The following SPAG17 variants were observed in gnomAD, a reference collection of about 807,000 sequenced individuals.
SPAG17 encodes the protein sperm-associated antigen 17.
Under a neutral mutation model 273.6 loss-of-function variants are expected in SPAG17, and 169 were observed. The ratio of observed to expected loss-of-function variants is 0.62; its 90% CI spans 0.55 to 0.70. SPAG17 has a LOEUF of 0.70. Among genes scored for constraint, SPAG17 ranks in the 30% least tolerant of loss-of-function variants. The pLI is 0.00. For missense variants in SPAG17, 2,557 were observed against 2,627.8 expected, an observed-to-expected ratio of 0.97 and a Z score of 0.59; for synonymous variants, 825 against 873.2, an observed-to-expected ratio of 0.94 and a Z score of 0.97.
intron 17 of SPAG17, among the ~76,000 whole-genome samples, chr1:118,072,417 G>A (rs1054637773): frequency 6.6e-5 from 10 of 152,152 alleles, no homozygotes; most frequent in African/African-American, 2.4e-5. Context: ...GGTGTGGCCC[G>A]GATGACGGTA....
intron 1 of SPAG17, among the ~76,000 whole-genome samples, chr1:118,159,422 C>G (rs1196734932): frequency 6.6e-6 from 1 of 152,132 alleles, no homozygotes; most frequent in Admixed American, 6.5e-5. Context: ...CTCAGTTTCT[C>G]ATTTAAAATT....
intron 3 of SPAG17, among the ~76,000 whole-genome samples, chr1:118,139,284 T>C (rs1238372627): frequency 1.3e-5 from 2 of 152,152 alleles, no homozygotes; most frequent in Non-Finnish European, 2.9e-5. Flanking sequence ...ACCTGTCAGA[T>C]AATTTTTTTC....
At chr1:118,004,823 A>G (rs1276416763) in intron 32 of SPAG17, among the ~76,000 whole-genome samples, 1 of 152,176 alleles carries the variant, frequency 6.6e-6, no homozygotes, top group Non-Finnish European at 1.5e-5. Context: ...GGCTGCACCC[A>G]CTGTCCAACT....
At chr1:118,039,752 A>G (rs1036678621) in intron 22 of SPAG17, among the ~76,000 whole-genome samples, 1 of 152,186 alleles carries the variant, frequency 6.6e-6, no homozygotes, top group Non-Finnish European at 1.5e-5. Flanking sequence ...CAATTTACCT[A>G]TAGAACCAAC....
At chr1:118,068,598 T>C (rs1222716676) in intron 17 of SPAG17, among the ~76,000 whole-genome samples, 2 of 152,208 alleles carry the variant, frequency 1.3e-5, no homozygotes, top group Non-Finnish European at 2.9e-5. Context: ...TCATATCTTA[T>C]TTTCCCCTTT....
chr1:117,978,869 C>CTTTT (rs370678516), intron 43 of SPAG17, among the ~76,000 whole-genome samples: 21 of 140,054 alleles, frequency 1.5e-4, no homozygotes, highest in African/African-American at 5.5e-4. Context: ...TCTTCCTCTT[C>CTTTT]TTTTTTTTTT....
At chr1:118,128,863 G>A (rs984182852) in intron 3 of SPAG17, among the ~76,000 whole-genome samples, 26 of 152,154 alleles carry the variant, frequency 1.7e-4, no homozygotes, top group African/African-American at 6.0e-4. Flanking sequence ...CAGCTCATGT[G>A]ACTCAGGGGA....
At chr1:118,060,511 T>G (rs55930899) in intron 18 of SPAG17, among the ~76,000 whole-genome samples, 1 of 152,212 alleles carries the variant, frequency 6.6e-6, no homozygotes, top group Non-Finnish European at 1.5e-5. Flanking sequence ...CTAGTTATTT[T>G]AATACATTTG....
At chr1:117,985,151 T>A (rs1445983134) in intron 40 of SPAG17, among the ~76,000 whole-genome samples, 1 of 152,214 alleles carries the variant, frequency 6.6e-6, no homozygotes, top group Non-Finnish European at 1.5e-5. Context: ...CTGGTTTTCA[T>A]AATTTCTGTA....
In SPAG17 at chr1:118,007,948, G is replaced by A. The variant is rs868395431; in HGVS notation, c.4587+96C>T. On this transcript the variant is annotated intron_variant, in intron 31 of 48. Transcript: ENST00000336338. ...ATAAGAGAATGAAAGCAACAGCAGT[G>A]TACATTGCAGGCATTTTTACTGCCC... 5.4e-6 allele frequency: 7 copies of A among 1,306,388 alleles called. No homozygotes were observed. In the Middle Eastern group the frequency reaches 9.3e-4, roughly 173 times the overall value. The allele number at this position is 1,306,388 out of a possible 1,614,324, so 80.9% of individuals were successfully genotyped here.
intron 46 of SPAG17, among the ~76,000 whole-genome samples, chr1:117,967,524 T>G (rs1211478603): frequency 6.6e-6 from 1 of 152,114 alleles, no homozygotes; most frequent in African/African-American, 2.4e-5. Flanking sequence ...GTTTAGGAAT[T>G]TGTGTTGGGC....
Position 117,983,804 on chromosome 1 carries a change from A to T in SPAG17, c.5872+7T>A. 2 of 1,579,822 alleles carry T rather than the reference A, an allele frequency of 1.3e-6. No individual in the cohort carries two copies. The highest frequency in any genetic ancestry group is 1.7e-6 in the Non-Finnish European group (2 of 1,151,158). ...TAATAGGAATATGTGCTATGCTAAC[A>T]TATTACCTAGATTAAGATCAGATGT... On this transcript the variant is annotated splice_region_variant and intron_variant, in intron 42 of 48. Coordinates refer to ENST00000336338, the MANE Select transcript of SPAG17 (RefSeq NM_206996.4).
intron 1 of SPAG17, among the ~76,000 whole-genome samples, chr1:118,154,414 C>T (rs962841651): frequency 1.3e-5 from 2 of 152,116 alleles, no homozygotes; most frequent in African/African-American, 4.8e-5. Flanking sequence ...TTGTGAGCTG[C>T]AGCAGGGGGG....
intron 10 of SPAG17, among the ~76,000 whole-genome samples, chr1:118,088,263 G>A (rs1255870908): frequency 6.6e-6 from 1 of 152,068 alleles, no homozygotes; most frequent in Non-Finnish European, 1.5e-5. Flanking sequence ...CATTCAACAT[G>A]GATCTACTGG....
chr1:117,967,742 G>A (rs772387562), intron 46 of SPAG17, among the ~76,000 whole-genome samples: 1 of 152,188 alleles, frequency 6.6e-6, no homozygotes, highest in Admixed American at 6.5e-5. Context: ...CAAGGCATGG[G>A]CGTCTTGCCT....
In SPAG17 at chr1:118,012,372, C is replaced by G. The variant is rs1659568446; in HGVS notation, c.4288G>C (p.Val1430Leu). 6.2e-7 allele frequency: 1 copy of G among 1,612,696 alleles called. No individual in the cohort carries two copies. The highest frequency in any genetic ancestry group is 1.7e-5 in the Admixed American group (1 of 59,854). ...FQATDPVNGT[V>L]MTTREDKVVI... is the part of the protein sequence containing the mutation. Reference sequence around the variant, plus strand: ...ACTTTGTCTTCTCGAGTTGTCATAACCTGAACATGAAGAGGCAGGACATAA... The same window carrying G: ...ACTTTGTCTTCTCGAGTTGTCATAAGCTGAACATGAAGAGGCAGGACATAA... The change falls in exon 30 of 49, where the codon GTT (valine) becomes CTT (leucine). Residue 1430 changes from valine to leucine, a missense_variant and splice_region_variant. Transcript: ENST00000336338.
At chr1:118,174,177 G>A (rs1018225219) in intron 1 of SPAG17, among the ~76,000 whole-genome samples, 5 of 152,140 alleles carry the variant, frequency 3.3e-5, no homozygotes, top group Non-Finnish European at 4.4e-5. Flanking sequence ...AAAGAAAACT[G>A]TTTTAGATAT....
In SPAG17 at chr1:117,958,849, A is replaced by G. The variant is rs1652610654; in HGVS notation, c.*1-4800T>C. The G allele has an allele frequency of 6.5e-6, 8 of 1,226,388 alleles. No individual in the cohort carries two copies. In the South Asian group the frequency reaches 1.3e-4, roughly 20 times the overall value. 76.0% of individuals were successfully genotyped at this position (1,226,388 alleles called of 1,614,324 possible). The stretch of plus-strand genomic sequence containing the variant: ...GATATTGTGTCTGTTTACTGTTTCT[A>G]GAAGGGTTAAGTAGGGCTAGAACCT... On this transcript the variant is annotated intron_variant, in intron 48 of 48. Coordinates refer to ENST00000336338, the MANE Select transcript of SPAG17 (RefSeq NM_206996.4).
At chr1:118,150,461 A>G in intron 3 of SPAG17, 82 bp downstream of exon 3, 1 of 721,618 alleles carries the variant, frequency 1.4e-6, no homozygotes, top group South Asian at 2.6e-5. Flanking sequence ...AAAGAATGAA[A>G]TTTAAAAATG....
Sources: allele counts gnomAD v4.1 joint callset (sites outside exome capture counted in the v4.1 genomes callset), GRCh38; gene constraint gnomAD v4.1.1; transcripts MANE v1.5; gene names NCBI Gene and HGNC (gene_info 2026-07-23, HGNC 2026-07-21).